Variants in AUTS2 observed in about 807,000 individuals in gnomAD.
The protein encoded by AUTS2 is activator of transcription and developmental regulator AUTS2, also known as autism susceptibility gene 2 protein.
A neutral mutation model predicts 112.4 loss-of-function variants in AUTS2; 17 were observed. The observed-to-expected ratio is 0.15, with a 90% CI of 0.10 to 0.23. The LOEUF (loss-of-function observed/expected upper bound fraction) is 0.23, where lower values mean the gene tolerates loss of function less well. AUTS2 is among the 10% of genes least tolerant of loss of function. The pLI, the probability that AUTS2 is intolerant of heterozygous loss-of-function variation, is 1.00. For missense variants in AUTS2, 1,510 were observed against 1,701.6 expected (o/e 0.89, Z 1.98); for synonymous variants, 751 against 702.7 (o/e 1.07, Z -1.09).
chr7:70,221,818 C>T (rs1180306468), intron 4 of AUTS2, among the ~76,000 whole-genome samples: 1 of 152,104 alleles, frequency 6.6e-6, no homozygotes, highest in African/African-American at 2.4e-5. Context: ...ACCTGGGAGG[C>T]AGGGATTGCA....
At chr7:70,764,704 C>T (rs1006308561) in intron 7 of AUTS2, 48 bp from the exon 8 acceptor site, 12 of 713,562 alleles carry the variant, frequency 1.7e-5, no homozygotes, top group Non-Finnish European at 3.1e-5. Flanking sequence ...GAATACATTG[C>T]TTACCTTTTT....
intron 5 of AUTS2, among the ~76,000 whole-genome samples, chr7:70,501,940 C>G (rs1264465577): frequency 1.3e-5 from 2 of 152,176 alleles, no homozygotes; most frequent in Non-Finnish European, 2.9e-5. Context: ...GAGCCCTTCA[C>G]TTCTGCTGTC....
At chr7:69,692,632 C>A (rs1797398320) in intron 1 of AUTS2, among the ~76,000 whole-genome samples, 1 of 152,150 alleles carries the variant, frequency 6.6e-6, no homozygotes. Flanking sequence ...TGGAGAGATA[C>A]TTTCTTGGAT....
At chr7:70,591,193 C>G (rs2129528446) in intron 5 of AUTS2, among the ~76,000 whole-genome samples, 1 of 148,548 alleles carries the variant, frequency 6.7e-6, no homozygotes. Context: ...GGTCCCAAGG[C>G]AAATGTGAAA....
chr7:70,021,172 G>C (rs754066479), intron 2 of AUTS2, among the ~76,000 whole-genome samples: 2 of 151,588 alleles, frequency 1.3e-5, no homozygotes, highest in African/African-American at 2.4e-5. Flanking sequence ...AGTAGAGACG[G>C]GGTTTCTGTA....
chr7:70,172,966 G>GT (rs1414493167), intron 4 of AUTS2, among the ~76,000 whole-genome samples: 2 of 152,192 alleles, frequency 1.3e-5, no homozygotes, highest in African/African-American at 4.8e-5. Context: ...TTGATACCTA[G>GT]TAAGTAGTAG....
chr7:70,504,725 CTG>C (rs1322259595), intron 5 of AUTS2, among the ~76,000 whole-genome samples: 1 of 152,154 alleles, frequency 6.6e-6, no homozygotes, highest in East Asian at 1.9e-4. Context: ...ATCCACGTTT[CTG>C]TAATCTTCTA....
At chr7:70,051,263 A>G (rs985594684) in intron 2 of AUTS2, among the ~76,000 whole-genome samples, 3 of 152,194 alleles carry the variant, frequency 2.0e-5, no homozygotes, top group Non-Finnish European at 4.4e-5. Context: ...CGGTGATGAA[A>G]TGAACTTTTT....
At chr7:70,043,062 A>T (rs886866370) in intron 2 of AUTS2, among the ~76,000 whole-genome samples, 3 of 152,018 alleles carry the variant, frequency 2.0e-5, no homozygotes, top group Admixed American at 6.6e-5. Context: ...GTTTCATGAC[A>T]GTCTGTTGAA....
intron 5 of AUTS2, among the ~76,000 whole-genome samples, chr7:70,524,155 T>G (rs1799748364): frequency 6.6e-6 from 1 of 152,240 alleles, no homozygotes; most frequent in South Asian, 2.1e-4. Flanking sequence ...CACTAGTTTA[T>G]GTCAAGGTCT....
chr7:70,736,153 T>TA (rs201432332), intron 6 of AUTS2, among the ~76,000 whole-genome samples: 1,767 of 151,862 alleles, frequency 0.012, 26 homozygotes, highest in African/African-American at 0.04. Flanking sequence ...TAATATATGA[T>TA]AAAAAAGCCT....
intron 2 of AUTS2, among the ~76,000 whole-genome samples, chr7:70,084,842 A>T (rs1803510606): frequency 6.8e-6 from 1 of 147,436 alleles, no homozygotes; most frequent in Admixed American, 6.8e-5. Context: ...ACAGCGTCTT[A>T]CAAGATAAGA....
intron 6 of AUTS2, among the ~76,000 whole-genome samples, chr7:70,706,423 C>G (rs1809742078): frequency 1.3e-5 from 2 of 152,152 alleles, no homozygotes; most frequent in Admixed American, 1.3e-4. Context: ...CAGGGAGGAG[C>G]AGAAGAGAAG....
intron 4 of AUTS2, among the ~76,000 whole-genome samples, chr7:70,236,036 T>G: frequency 6.6e-6 from 1 of 152,184 alleles, no homozygotes; most frequent in East Asian, 1.9e-4. Context: ...TTATCACTAT[T>G]CGATATAACA....
rs539640328 is a variant in AUTS2, at chr7:69,632,475, C to A, written c.309+32513C>A. Among the ~76,000 whole-genome samples, 111 of 152,104 alleles carry A rather than the reference C, an allele frequency of 7.3e-4. 4 individuals carry two copies. In the South Asian group the frequency reaches 0.016, roughly 22 times the overall value. ...TAAAAGTGGATTATGAGGTCTATCT[C>A]TTAGGCTGACGTGCTCTCCTTTCTC... On this transcript the variant is annotated intron_variant, in intron 1 of 18. Coordinates refer to ENST00000342771, the MANE Select transcript of AUTS2 (RefSeq NM_015570.4).
chr7:70,365,340 A>G (rs1191280482), intron 4 of AUTS2, among the ~76,000 whole-genome samples: 1 of 152,226 alleles, frequency 6.6e-6, no homozygotes, highest in Non-Finnish European at 1.5e-5. Context: ...ATGAGGAACC[A>G]ATACATGTGG....
At chr7:70,236,905 G>A (rs1042794121) in intron 4 of AUTS2, among the ~76,000 whole-genome samples, 1 of 152,146 alleles carries the variant, frequency 6.6e-6, no homozygotes, top group African/African-American at 2.4e-5. Context: ...AATAATAATT[G>A]TTACTTGGTG....
intron 4 of AUTS2, among the ~76,000 whole-genome samples, chr7:70,326,058 G>GC (rs1419387752): frequency 6.6e-6 from 1 of 152,152 alleles, no homozygotes; most frequent in Non-Finnish European, 1.5e-5. Context: ...CAGCCTCCAG[G>GC]TCAGCACAGC....
At chr7:70,218,527 TTTCCAC>T (rs1341484672) in intron 4 of AUTS2, among the ~76,000 whole-genome samples, 3 of 152,132 alleles carry the variant, frequency 2.0e-5, no homozygotes, top group Non-Finnish European at 4.4e-5. Context: ...GAGGCACACA[TTTCCAC>T]TTCCTGTGTT....
Sources: gnomAD v4.1 joint callset for allele counts (sites outside exome capture counted in the v4.1 genomes callset) on GRCh38, gnomAD v4.1.1 for gene constraint, MANE v1.5 for transcripts, NCBI Gene and HGNC (gene_info 2026-07-23, HGNC 2026-07-21) for gene names.